Variants in SYNE2 observed in about 807,000 individuals in gnomAD.
SYNE2 encodes nesprin-2.
Under a neutral mutation model 856.3 loss-of-function variants are expected in SYNE2, and 431 were observed. That is an observed-to-expected ratio of 0.50 (90% CI 0.47 to 0.55). The LOEUF (loss-of-function observed/expected upper bound fraction) is 0.55, where lower values mean the gene tolerates loss of function less well. Among genes scored for constraint, SYNE2 ranks in the 20% least tolerant of loss-of-function variants. The probability of loss-of-function intolerance (pLI) is 0.00; values close to 1 mark genes in which losing one functional copy is unlikely to be tolerated. For missense variants in SYNE2, 8,129 were observed against 8,023.2 expected, an observed-to-expected ratio of 1.01 and a Z score of -0.50; for synonymous variants, 2,923 against 2,872.3, an observed-to-expected ratio of 1.02 and a Z score of -0.56.
At chr14:63,799,173 G>A (rs963885048) in intron 1 of SYNE2, among the ~76,000 whole-genome samples, 2 of 152,050 alleles carry the variant, frequency 1.3e-5, no homozygotes, top group African/African-American at 2.4e-5. Context: ...CCACCTCCCG[G>A]GTTCAAGCAA....
chr14:64,225,234 T>C lies in SYNE2; in HGVS notation c.20517-85T>C, dbSNP rs2098713729. The C allele has an allele frequency of 1.8e-5, 29 of 1,604,200 alleles. No individual in the cohort carries two copies. In the South Asian group the frequency reaches 3.0e-4, roughly 16 times the overall value. ...TTTAAATCTCAGGTCTTGGATTTCT[T>C]ACTTACATAAGCAGGGGCTTAGGTA... On this transcript the variant is annotated intron_variant, in intron 115 of 115. Transcript: ENST00000555002.
intron 101 of SYNE2, 75 bp from the exon 102 acceptor site, chr14:64,209,353 G>A (rs547051302): frequency 6.2e-7 from 1 of 1,611,724 alleles, no homozygotes; most frequent in Non-Finnish European, 8.5e-7. Context: ...CCGTGCGGGT[G>A]TCAGGGGATA....
chr14:64,138,367 G>A (rs2098113005), intron 79 of SYNE2, among the ~76,000 whole-genome samples: 1 of 152,048 alleles, frequency 6.6e-6, no homozygotes, highest in Non-Finnish European at 1.5e-5. Context: ...AAGTTGGTGT[G>A]ACTACAGGCA....
chr14:64,183,962 AG>A (rs1374111674), intron 96 of SYNE2, among the ~76,000 whole-genome samples: 1 of 3,322 alleles, frequency 3.0e-4, no homozygotes, highest in African/African-American at 1.3e-3. Flanking sequence ...AGGGAGAGGG[AG>A]GGGGTGGGGA....
intron 1 of SYNE2, among the ~76,000 whole-genome samples, chr14:63,812,596 A>G (rs1888655919): frequency 6.6e-6 from 1 of 152,230 alleles, no homozygotes; most frequent in African/African-American, 2.4e-5. Context: ...TTAAAATGAA[A>G]TCTTCACAAT....
chr14:63,882,003 A>G (rs755517625), intron 1 of SYNE2, among the ~76,000 whole-genome samples: 5 of 152,158 alleles, frequency 3.3e-5, no homozygotes, highest in African/African-American at 1.2e-4. Flanking sequence ...AAGGCCTACA[A>G]CCCTGCTGCA....
chr14:64,091,026 A>G lies in SYNE2; in HGVS notation c.11954A>G (p.Gln3985Arg). 1 of 1,614,104 alleles carries G rather than the reference A, an allele frequency of 6.2e-7. No individual in the cohort carries two copies. The highest frequency in any genetic ancestry group is 8.5e-7 in the Non-Finnish European group (1 of 1,179,954). Residue 3985 changes from glutamine (Q) to arginine (R), a missense_variant, in exon 60 of 116, where the codon CAA becomes CGA. By Grantham distance (43) the Gln-to-Arg change is conservative. Coordinates refer to ENST00000555002, the MANE Select transcript of SYNE2 (RefSeq NM_182914.3). ...ATAAAACTATTGGAAAATGTGACTCAAGAACAAAATGAGTTATTAAAGGTA... is the reference window on the plus strand; with the variant it reads ...ATAAAACTATTGGAAAATGTGACTCGAGAACAAAATGAGTTATTAAAGGTA... ...QDIKLLENVT[Q>R]EQNELLKVVI...
At chr14:63,940,717 T>C in intron 3 of SYNE2, 42 bp downstream of exon 3, 1 of 1,554,616 alleles carries the variant, frequency 6.4e-7, no homozygotes, top group Non-Finnish European at 8.9e-7. Flanking sequence ...ATCTATTTAT[T>C]ACTCCCCCTA....
At chr14:63,987,248 C>A (rs554214987) in intron 19 of SYNE2, among the ~76,000 whole-genome samples, 15 of 151,756 alleles carry the variant, frequency 9.9e-5, no homozygotes, top group Non-Finnish European at 2.1e-4. Context: ...GGGTGAGACT[C>A]CTTCTGGGAA....
Position 63,969,466 on chromosome 14 carries a change from C to T in SYNE2, c.1128+1620C>T, listed in dbSNP as rs113670567. On this transcript the variant is annotated intron_variant, in intron 11 of 115. Transcript: ENST00000555002. ...CAAGTGATTCTTTGCCTCAGCCTCCCGAGTAGCTGGGACTACAGGTGCATC... is the reference window on the plus strand; with the variant it reads ...CAAGTGATTCTTTGCCTCAGCCTCCTGAGTAGCTGGGACTACAGGTGCATC... Among the ~76,000 whole-genome samples the T allele has an allele frequency of 7.9e-3, 1,189 of 151,118 alleles. 20 individuals carry two copies. Among genetic ancestry groups the T allele is most frequent in the African/African-American group, 0.027 (1,120 of 41,108 alleles).
rs747813395 is a variant in SYNE2, at chr14:63,981,070, A to C, written c.1733A>C (p.Lys578Thr). ...TATAGAAAAAATATATATAATGTGA[A>C]GTCCACTCTACAAAAAGTGCTGGCA... ...CMYRKNIYNV[K>T]STLQKVLACW... The change falls in exon 16 of 116, where the codon AAG becomes ACG. Residue 578 changes from lysine (K) to threonine (T), a missense_variant. Lys to Thr is a moderately conservative substitution (Grantham distance 78, BLOSUM62 -1). Around this residue, in one of 3 missense-constraint regions of SYNE2, gnomAD observed 2,422 missense variants for 2,357.4 expected, o/e 1.03. Transcript: ENST00000555002. 6.2e-7 allele frequency: 1 copy of C among 1,604,572 alleles called. No individual in the cohort carries two copies. Among genetic ancestry groups the C allele is most frequent in the Non-Finnish European group, 8.5e-7 (1 of 1,171,470 alleles).
chr14:64,016,545 C>G lies in SYNE2; in HGVS notation c.4801C>G (p.Leu1601Val). The change falls in exon 33 of 116, where the codon CTA becomes GTA. Residue 1601 changes from leucine (L) to valine (V), a missense_variant. Leu to Val is a conservative substitution (Grantham distance 32). This residue lies in a region of SYNE2 where 2,422 missense variants were observed against 2,357.4 expected (regional missense o/e 1.03). Transcript: ENST00000555002. Reference sequence around the variant, plus strand: ...CAAGATAAACCAGGTCTGCAAAAATCTACAATTTTATCTAAATAAAATGAA... The same window carrying G: ...CAAGATAAACCAGGTCTGCAAAAATGTACAATTTTATCTAAATAAAATGAA... ...VDKINQVCKNLQFYLNKMKTF... is the reference protein window; with the variant it reads ...VDKINQVCKNVQFYLNKMKTF... 6.2e-7 allele frequency: 1 copy of G among 1,603,886 alleles called. No homozygotes were observed. The highest frequency in any genetic ancestry group is 8.5e-7 in the Non-Finnish European group (1 of 1,173,952).
At chr14:63,914,248 G>C (rs1038836241) in intron 2 of SYNE2, among the ~76,000 whole-genome samples, 9 of 152,126 alleles carry the variant, frequency 5.9e-5, no homozygotes, top group African/African-American at 1.7e-4. Context: ...AAGCAGTAGG[G>C]GTAATGTTGG....
In SYNE2 at chr14:64,076,228, C is replaced by A. The variant is rs1007050551; in HGVS notation, c.11022+128C>A. 9.2e-6 allele frequency: 9 copies of A among 974,304 alleles called. No homozygotes were observed. The African/African-American group carries it at 9.8e-5, about 11-fold the overall frequency. The allele number at this position is 974,304 out of a possible 1,614,324, so 60.4% of individuals were successfully genotyped here. A position where few individuals can be genotyped will look rare whatever the true frequency, so the allele number is the denominator to read the frequency against. On this transcript the variant is annotated intron_variant, in intron 54 of 115. Transcript: ENST00000555002. ...ATAACTTCTTTTAAGAGTTAAGTGACCATCGTGTCTATTGAATGCTAAGAT... is the reference window on the plus strand; with the variant it reads ...ATAACTTCTTTTAAGAGTTAAGTGAACATCGTGTCTATTGAATGCTAAGAT...
chr14:63,803,441 C>T (rs1005886448), intron 1 of SYNE2, among the ~76,000 whole-genome samples: 4 of 152,172 alleles, frequency 2.6e-5, no homozygotes, highest in Admixed American at 6.5e-5. Flanking sequence ...GGTGAGAAAT[C>T]GAGCGCAGTG....
At chr14:64,077,779 C>T (rs1423720587) in intron 54 of SYNE2, among the ~76,000 whole-genome samples, 1 of 152,052 alleles carries the variant, frequency 6.6e-6, no homozygotes, top group Non-Finnish European at 1.5e-5. Flanking sequence ...GTGATACATT[C>T]AACATTCATT....
At chr14:64,173,965 A>G (rs941523010) in intron 94 of SYNE2, 9 of 695,210 alleles carry the variant, frequency 1.3e-5, no homozygotes, top group Admixed American at 4.1e-5. Flanking sequence ...CTCTCTGCAC[A>G]CTGCCTGCGG....
At chr14:63,962,138 C>T (rs1478214545) in intron 9 of SYNE2, among the ~76,000 whole-genome samples, 1 of 151,934 alleles carries the variant, frequency 6.6e-6, no homozygotes, top group Non-Finnish European at 1.5e-5. Flanking sequence ...CTTACAGCAA[C>T]CTCTGTCTCC....
intron 111 of SYNE2, 106 bp downstream of exon 111, chr14:64,220,743 T>C (rs2098690590): frequency 7.5e-7 from 1 of 1,328,712 alleles, no homozygotes; most frequent in Non-Finnish European, 1.0e-6. Context: ...CAGCCAAATG[T>C]GGCTGGTGTC....
Sources: allele counts gnomAD v4.1 joint callset (sites outside exome capture counted in the v4.1 genomes callset), GRCh38; gene constraint gnomAD v4.1.1; regional missense constraint gnomAD v4.1.1; transcripts MANE v1.5; gene names NCBI Gene and HGNC (gene_info 2026-07-23, HGNC 2026-07-21).